DZIP1: variants seen among roughly 807,000 people sequenced by gnomAD.
The protein encoded by DZIP1 is DAZ interacting zinc finger protein 1.
DZIP1 carries 97 observed loss-of-function variants against 107.6 expected under a neutral mutation model. The observed-to-expected ratio is 0.90, with a 90% CI of 0.77 to 1.07. The LOEUF (loss-of-function observed/expected upper bound fraction) is 1.07, where lower values mean the gene tolerates loss of function less well. Among genes scored for constraint, DZIP1 ranks in the 50% least tolerant of loss-of-function variants. DZIP1 has a pLI of 0.00. For synonymous variants in DZIP1, 390 were observed against 386.4 expected, an observed-to-expected ratio of 1.01 and a Z score of -0.11; for missense variants, 1,035 against 1,063.6, an observed-to-expected ratio of 0.97 and a Z score of 0.37.
At position 95,642,030 on chromosome 13, in the gene DZIP1, A is replaced by C. The variant is rs780929314; in HGVS notation, c.-1T>G. ...ACCAATCCGCTGCCTCAGCTTGCAT[A>C]GGAGGAGCCGGGCGGTCTTTACCCA... On this transcript the variant is annotated 5_prime_UTR_variant, in exon 4 of 23. Coordinates refer to ENST00000376829, the MANE Select transcript of DZIP1 (RefSeq NM_198968.4). The C allele has an allele frequency of 1.3e-6, 2 of 1,572,282 alleles. No homozygotes were observed. Among genetic ancestry groups the C allele is most frequent in the Non-Finnish European group, 1.7e-6 (2 of 1,164,744 alleles).
Position 95,612,616 on chromosome 13 carries a change from G to T in DZIP1, c.1174-439C>A, listed in dbSNP as rs185132869. ...TTGTTTTTTTTTGACATGGAGTCTC[G>T]CTCTGTCACCCAGGCTGGAGTGCAG... On this transcript the variant is annotated intron_variant, in intron 10 of 22. Coordinates refer to ENST00000376829, the MANE Select transcript of DZIP1 (RefSeq NM_198968.4). Among the ~76,000 whole-genome samples, 312 of 151,912 alleles carry T rather than the reference G, an allele frequency of 2.1e-3. 1 individual carries two copies. Among genetic ancestry groups the T allele is most frequent in the African/African-American group, 6.3e-3 (263 of 41,426 alleles).
Position 95,590,203 on chromosome 13 carries a change from T to C in DZIP1, c.1843+76A>G. The C allele has an allele frequency of 2.2e-6, 3 of 1,334,668 alleles. No homozygotes were observed. The Admixed American group carries it at 7.0e-5, about 31-fold the overall frequency. 82.7% of individuals were successfully genotyped at this position (1,334,668 alleles called of 1,614,324 possible). On this transcript the variant is annotated intron_variant, in intron 17 of 22. Coordinates refer to ENST00000376829, the MANE Select transcript of DZIP1 (RefSeq NM_198968.4). ...AATTATAATAATTTGTTTAATGATA[T>C]CTTGTGGTGAAAAAAGAAGAAAAAA...
intron 14 of DZIP1, among the ~76,000 whole-genome samples, chr13:95,603,977 T>A (rs1022973307): frequency 6.6e-6 from 1 of 152,162 alleles, no homozygotes; most frequent in Non-Finnish European, 1.5e-5. Flanking sequence ...CCCCATCAGA[T>A]GACAAATCAG....
intron 10 of DZIP1, among the ~76,000 whole-genome samples, chr13:95,618,254 T>C (rs941964882): frequency 1.2e-4 from 18 of 152,356 alleles, no homozygotes; most frequent in Admixed American, 1.1e-3. Context: ...GCAGGCATTG[T>C]TCCACATCTC....
rs116900432 is a variant in DZIP1 at position 95,621,892 on chromosome 13, G to A, written c.1110+451C>T. On this transcript the variant is annotated intron_variant, in intron 9 of 22. Coordinates refer to ENST00000376829, the MANE Select transcript of DZIP1 (RefSeq NM_198968.4). Reference sequence around the variant, plus strand: ...GCTACCACGCCCAGTTAATTGAGCCGAGGTGGGCGGATCACCTGAGGTCAG... The same window carrying A: ...GCTACCACGCCCAGTTAATTGAGCCAAGGTGGGCGGATCACCTGAGGTCAG... Among the ~76,000 whole-genome samples the A allele has an allele frequency of 6.2e-3, 933 of 151,652 alleles. 6 individuals carry two copies. The highest frequency in any genetic ancestry group is 0.04 in the East Asian group (203 of 5,138).
chr13:95,594,995 T>G (rs541681814), intron 15 of DZIP1, among the ~76,000 whole-genome samples: 120 of 152,318 alleles, frequency 7.9e-4, no homozygotes, highest in African/African-American at 2.8e-3. Flanking sequence ...ATGCGACGTT[T>G]GGCAGTTCAG....
chr13:95,608,706 T>C (rs921080734), intron 13 of DZIP1, among the ~76,000 whole-genome samples: 3 of 152,060 alleles, frequency 2.0e-5, no homozygotes, highest in Non-Finnish European at 4.4e-5. Flanking sequence ...GACTGAGAGG[T>C]TAAAACCATC....
At chr13:95,621,900 C>T (rs1875911828) in intron 9 of DZIP1, among the ~76,000 whole-genome samples, 1 of 151,434 alleles carries the variant, frequency 6.6e-6, no homozygotes, top group Non-Finnish European at 1.5e-5. Context: ...CCGAGGTGGG[C>T]GGATCACCTG....
At chr13:95,622,575 C>T in intron 8 of DZIP1, 95 bp from the exon 9 acceptor site, 1 of 1,444,206 alleles carries the variant, frequency 6.9e-7, no homozygotes, top group African/African-American at 1.4e-5. Context: ...TGTTTTAAAT[C>T]TGACTGCCCT....
At chr13:95,599,593 C>G (rs1160015645) in intron 14 of DZIP1, among the ~76,000 whole-genome samples, 169 bp from the exon 15 acceptor site, 2 of 152,104 alleles carry the variant, frequency 1.3e-5, no homozygotes, top group Non-Finnish European at 2.9e-5. Context: ...AGATGGTCAC[C>G]TTTTCATCAT....
intron 20 of DZIP1, 79 bp downstream of exon 20, chr13:95,587,460 T>A (rs2044190913): frequency 6.5e-7 from 1 of 1,541,400 alleles, no homozygotes; most frequent in Admixed American, 1.9e-5. Flanking sequence ...CAGCTCAGAC[T>A]CCCAGTGCTC....
chr13:95,634,828 A>G lies in DZIP1; in HGVS notation c.598-1507T>C, dbSNP rs143859859. Among the ~76,000 whole-genome samples the G allele has an allele frequency of 4.5e-3, 679 of 152,304 alleles. 9 individuals carry two copies. Among genetic ancestry groups the G allele is most frequent in the African/African-American group, 0.016 (648 of 41,568 alleles). On this transcript the variant is annotated intron_variant, in intron 5 of 22. Transcript: ENST00000376829. Reference sequence around the variant, plus strand: ...ACTATTTGGATAATTTTTAATTTTTATTAATTTGATTATTTTTCCCTAATA... The same window carrying G: ...ACTATTTGGATAATTTTTAATTTTTGTTAATTTGATTATTTTTCCCTAATA...
At chr13:95,588,546 C>T (rs980454459) in intron 19 of DZIP1, among the ~76,000 whole-genome samples, 1 of 152,172 alleles carries the variant, frequency 6.6e-6, no homozygotes, top group East Asian at 1.9e-4. Flanking sequence ...TTCATACATT[C>T]CCATTTAATT....
chr13:95,630,131 C>A lies in DZIP1; in HGVS notation c.686-18G>T. Reference sequence around the variant, plus strand: ...CTGATACTCTGTTGCAACAGAAAATCGTGTTAAAACACCATCTCTTACCAA... The same window carrying A: ...CTGATACTCTGTTGCAACAGAAAATAGTGTTAAAACACCATCTCTTACCAA... On this transcript the variant is annotated intron_variant, in intron 6 of 22. Transcript: ENST00000376829. The A allele has an allele frequency of 1.2e-6, 2 of 1,603,778 alleles. 1 individual carries two copies.
intron 6 of DZIP1, among the ~76,000 whole-genome samples, chr13:95,631,344 G>A (rs143286947): frequency 0.011 from 1,629 of 152,116 alleles, 11 homozygotes; most frequent in African/African-American, 0.017. Context: ...GTGAGTGCCC[G>A]TAGTCCCAGC....
chr13:95,642,048 T>C lies in DZIP1; in HGVS notation c.-19A>G. On this transcript the variant is annotated 5_prime_UTR_variant, in exon 4 of 23. Coordinates refer to ENST00000376829, the MANE Select transcript of DZIP1 (RefSeq NM_198968.4). Reference sequence around the variant, plus strand: ...CTTGCATAGGAGGAGCCGGGCGGTCTTTACCCAGCCTGGGCCGCCTCCCGG... The same window carrying C: ...CTTGCATAGGAGGAGCCGGGCGGTCCTTACCCAGCCTGGGCCGCCTCCCGG... 6 of 1,556,480 alleles carry C rather than the reference T, an allele frequency of 3.9e-6. No homozygotes were observed. Among genetic ancestry groups the C allele is most frequent in the Non-Finnish European group, 5.2e-6 (6 of 1,157,800 alleles).
At chr13:95,633,937 A>G (rs1031581639) in intron 5 of DZIP1, among the ~76,000 whole-genome samples, 15 of 152,138 alleles carry the variant, frequency 9.9e-5, no homozygotes, top group Non-Finnish European at 1.9e-4. Flanking sequence ...GTAAAAATAT[A>G]AGTAAATAAA....
At chr13:95,599,530 A>G in intron 14 of DZIP1, 106 bp from the exon 15 acceptor site, 1 of 977,164 alleles carries the variant, frequency 1.0e-6, no homozygotes. Flanking sequence ...TATTTTAGTC[A>G]TGCCTGAATA....
chr13:95,637,632 CTCTCTCTCTCTCT>C, intron 5 of DZIP1, among the ~76,000 whole-genome samples: 1 of 151,410 alleles, frequency 6.6e-6, no homozygotes, highest in Non-Finnish European at 1.5e-5. Flanking sequence ...CTCTCTCTCT[CTCTCTCTCTCTCT>C]CCAAACACAG....
Sources: allele counts gnomAD v4.1 joint callset (sites outside exome capture counted in the v4.1 genomes callset), GRCh38; gene constraint gnomAD v4.1.1; transcripts MANE v1.5; gene names NCBI Gene and HGNC (gene_info 2026-07-23, HGNC 2026-07-21).